HEPACAM: variants seen among roughly 807,000 people sequenced by gnomAD.
HEPACAM encodes hepatic and glial cell adhesion molecule, also known as hepatocyte cell adhesion molecule.
HEPACAM carries 18 observed loss-of-function variants against 38.3 expected under a neutral mutation model. That is an observed-to-expected ratio of 0.47 (90% CI 0.33 to 0.70). The LOEUF is 0.70. Among genes scored for constraint, HEPACAM ranks in the 30% least tolerant of loss-of-function variants. The pLI is 0.03. For missense variants in HEPACAM, 466 were observed against 563.0 expected, an observed-to-expected ratio of 0.83 and a Z score of 1.74; for synonymous variants, 216 against 243.1, an observed-to-expected ratio of 0.89 and a Z score of 1.04.
At chr11:124,931,659 C>T (rs149775330) in intron 1 of HEPACAM, among the ~76,000 whole-genome samples, 1 of 152,258 alleles carries the variant, frequency 6.6e-6, no homozygotes, top group African/African-American at 2.4e-5. Flanking sequence ...ACCGTTTGGC[C>T]ATGTCTATGA....
Position 124,920,037 on chromosome 11 carries a change from T to C in HEPACAM, c.*1101A>G. 1.9e-6 allele frequency: 3 copies of C among 1,606,602 alleles called. No homozygotes were observed. The highest frequency in any genetic ancestry group is 2.6e-6 in the Non-Finnish European group (3 of 1,176,070). On this transcript the variant is annotated 3_prime_UTR_variant, in exon 7 of 7. Coordinates refer to ENST00000298251, the MANE Select transcript of HEPACAM (RefSeq NM_152722.5). ...GTGTGATTAGGGAGTCTGCCCTTTT[T>C]CTGTGCCCTGGGACCTGAGCATGTG... is the stretch of plus-strand genomic sequence containing the variant.
Position 124,919,547 on chromosome 11 carries a change from C to T in HEPACAM, c.*1591G>A. The stretch of plus-strand genomic sequence containing the variant: ...TCTTCCACCTTCTTGAGAAACTTTT[C>T]CCCTACATGCATTATCTCATTATGG... On this transcript the variant is annotated 3_prime_UTR_variant, in exon 7 of 7. Coordinates refer to ENST00000298251, the MANE Select transcript of HEPACAM (RefSeq NM_152722.5). 1.7e-6 allele frequency: 1 copy of T among 598,960 alleles called. No homozygotes were observed. The highest frequency in any genetic ancestry group is 2.9e-6 in the Non-Finnish European group (1 of 340,586). 37.1% of individuals were successfully genotyped at this position (598,960 alleles called of 1,614,324 possible).
chr11:124,921,158 G>A lies in HEPACAM; in HGVS notation c.1231C>T (p.Pro411Ser). The change falls in exon 7 of 7, where the codon CCG becomes TCG. Residue 411 changes from proline to serine, a missense_variant. Pro to Ser is a moderately conservative substitution (Grantham distance 74). Transcript: ENST00000298251. The surrounding 1 kb of genome is among the most constrained non-coding windows in gnomAD (Gnocchi z 4.6). The stretch of plus-strand genomic sequence containing the variant: ...GCGGCTCAGGCGCTGATCTCCACCG[G>A]GCCGGCCTCGTCTTGCTCGCGGATT... ...HIIREQDEAG[P>S]VEISA The A allele has an allele frequency of 6.5e-7, 1 of 1,528,018 alleles. No homozygotes were observed. Among genetic ancestry groups the A allele is most frequent in the Non-Finnish European group, 8.7e-7 (1 of 1,144,540 alleles). 94.7% of individuals were successfully genotyped at this position (1,528,018 alleles called of 1,614,324 possible).
In HEPACAM at chr11:124,924,860, T is replaced by C. The variant is rs746737779; in HGVS notation, c.295A>G (p.Ile99Val). The change falls in exon 2 of 7, where the codon ATC (isoleucine) becomes GTC (valine). Residue 99 changes from isoleucine to valine, a missense_variant. Transcript: ENST00000298251. This position sits in a 1 kb window ranked among gnomAD's most constrained non-coding sequence, Gnocchi z 4.4. ...AGGGAGCCATTTTCAAAGAGTCGGA[T>C]ACGGTCTCGATAGTCAGGCCGCAGG... The part of the protein sequence containing the change: ...GTLRPDYRDR[I>V]RLFENGSLLL... The C allele has an allele frequency of 9.9e-6, 16 of 1,614,084 alleles. No individual in the cohort carries two copies. In the South Asian group the frequency reaches 1.8e-4, roughly 18 times the overall value.
chr11:124,929,328 G>T (rs1385149481), intron 1 of HEPACAM, among the ~76,000 whole-genome samples: 1 of 152,190 alleles, frequency 6.6e-6, no homozygotes, highest in East Asian at 1.9e-4. Flanking sequence ...TGGGCCAAAA[G>T]GATGTATCAC....
chr11:124,920,611 A>G lies in HEPACAM; in HGVS notation c.*527T>C, dbSNP rs1408669648. 2 of 1,071,864 alleles carry G rather than the reference A, an allele frequency of 1.9e-6. No individual in the cohort carries two copies. The highest frequency in any genetic ancestry group is 3.1e-5 in the South Asian group (1 of 32,416). The allele number at this position is 1,071,864 out of a possible 1,614,324, so 66.4% of individuals were successfully genotyped here. A position where few individuals can be genotyped will look rare whatever the true frequency, so the allele number is the denominator to read the frequency against. On this transcript the variant is annotated 3_prime_UTR_variant, in exon 7 of 7. Coordinates refer to ENST00000298251, the MANE Select transcript of HEPACAM (RefSeq NM_152722.5). The stretch of plus-strand genomic sequence containing the variant: ...AGCCCCTGCACACCCAGTAACCGGC[A>G]TCTGGCTTCTCCTTAGCTTAGTGCA...
At position 124,924,579 on chromosome 11, in the gene HEPACAM, G is replaced by A. The variant is rs764009911; in HGVS notation, c.427+149C>T. The A allele has an allele frequency of 3.5e-5, 27 of 778,138 alleles. No homozygotes were observed. The highest frequency in any genetic ancestry group is 6.1e-5 in the Non-Finnish European group (26 of 429,628). The allele number at this position is 778,138 out of a possible 1,614,324, so 48.2% of individuals were successfully genotyped here. ...TCTACATGTTAGCTGTGCTGTGCCT[G>A]TCTGCCAACTTCTAATGTCCACTTG... On this transcript the variant is annotated intron_variant, in intron 2 of 6. Coordinates refer to ENST00000298251, the MANE Select transcript of HEPACAM (RefSeq NM_152722.5). The surrounding 1 kb of genome is among the most constrained non-coding windows in gnomAD (Gnocchi z 4.4).
intron 3 of HEPACAM, 50 bp downstream of exon 3, chr11:124,923,679 C>T (rs776079094): frequency 1.9e-6 from 3 of 1,609,074 alleles, no homozygotes; most frequent in Non-Finnish European, 1.7e-6. Context: ...TCATGGTCAC[C>T]TGCCTCTTGG....
rs1462055631 is a variant in HEPACAM, at chr11:124,924,210, A to G, written c.428-200T>C. ...TTCACTGACTATTTATGGAGCACCA[A>G]TTAGGCATGGCGGGTACAATGCTGA... is the stretch of plus-strand genomic sequence containing the variant. On this transcript the variant is annotated intron_variant, in intron 2 of 6. Transcript: ENST00000298251. This position sits in a 1 kb window ranked among gnomAD's most constrained non-coding sequence, Gnocchi z 4.4. Among the ~76,000 whole-genome samples, 1 of 152,204 alleles carries G rather than the reference A, an allele frequency of 6.6e-6. No individual in the cohort carries two copies. Among genetic ancestry groups the G allele is most frequent in the Non-Finnish European group, 1.5e-5 (1 of 68,024 alleles).
At position 124,920,682 on chromosome 11, in the gene HEPACAM, A is replaced by AGG. The variant is rs1255177346; in HGVS notation, c.*455_*456insCC. On this transcript the variant is annotated 3_prime_UTR_variant, in exon 7 of 7. Coordinates refer to ENST00000298251, the MANE Select transcript of HEPACAM (RefSeq NM_152722.5). Reference sequence around the variant, plus strand: ...GGCCTCTCTAATCTGAACTTGCAAAAAAAAAAAAAAAAAAAAAAAAAAAAA... The same window carrying AGG: ...GGCCTCTCTAATCTGAACTTGCAAAAGGAAAAAAAAAAAAAAAAAAAAAAAAA... 38 of 702,426 alleles carry AGG rather than the reference A, an allele frequency of 5.4e-5. No homozygotes were observed. In the East Asian group the frequency reaches 1.6e-3, roughly 30 times the overall value. 43.5% of individuals were successfully genotyped at this position (702,426 alleles called of 1,614,324 possible). A position where few individuals can be genotyped will look rare whatever the true frequency, so the allele number is the denominator to read the frequency against.
intron 1 of HEPACAM, among the ~76,000 whole-genome samples, chr11:124,929,579 A>G (rs1947259123): frequency 6.6e-6 from 1 of 152,218 alleles, no homozygotes; most frequent in Non-Finnish European, 1.5e-5. Flanking sequence ...CTCAACCTTG[A>G]GAAGTGATTA....
In HEPACAM at chr11:124,919,793, G is replaced by A. The variant is rs780179144; in HGVS notation, c.*1345C>T. On this transcript the variant is annotated 3_prime_UTR_variant, in exon 7 of 7. Coordinates refer to ENST00000298251, the MANE Select transcript of HEPACAM (RefSeq NM_152722.5). Reference sequence around the variant, plus strand: ...TGGAATTGCTCCATGGGTTGATGGCGAATCAGAGCTGGAGTTTAGGAGACT... The same window carrying A: ...TGGAATTGCTCCATGGGTTGATGGCAAATCAGAGCTGGAGTTTAGGAGACT... 1.4e-5 allele frequency: 23 copies of A among 1,614,124 alleles called. No homozygotes were observed. The highest frequency in any genetic ancestry group is 3.3e-4 in the Middle Eastern group (2 of 6,048).
At chr11:124,931,043 C>T (rs547152855) in intron 1 of HEPACAM, among the ~76,000 whole-genome samples, 2 of 152,026 alleles carry the variant, frequency 1.3e-5, no homozygotes, top group African/African-American at 2.4e-5. Flanking sequence ...ATTGTGAAAG[C>T]GAAAGGCAAA....
At chr11:124,926,750 T>C (rs1157692043) in intron 1 of HEPACAM, among the ~76,000 whole-genome samples, 1 of 152,196 alleles carries the variant, frequency 6.6e-6, no homozygotes, top group Non-Finnish European at 1.5e-5. Flanking sequence ...GCTGCTGCCA[T>C]TCAGTTGAGG....
intron 1 of HEPACAM, 103 bp from the exon 2 acceptor site, chr11:124,925,172 G>A: frequency 2.3e-6 from 2 of 854,628 alleles, no homozygotes; most frequent in Non-Finnish European, 3.5e-6. Flanking sequence ...TCGCCTCTCT[G>A]GCTCTTCACT....
At chr11:124,923,515 AAG>A in intron 3 of HEPACAM, 82 bp from the exon 4 acceptor site, 1 of 1,187,782 alleles carries the variant, frequency 8.4e-7, no homozygotes, top group Non-Finnish European at 1.3e-6. Context: ...CCATGGATGG[AAG>A]AGAGGGGGAG....
intron 5 of HEPACAM, 97 bp from the exon 6 acceptor site, chr11:124,922,555 C>G (rs1947154785): frequency 6.3e-7 from 1 of 1,599,150 alleles, no homozygotes; most frequent in Non-Finnish European, 8.6e-7. Flanking sequence ...CCGCCACAAC[C>G]TCCACCAACA....
In HEPACAM at chr11:124,921,019, G is replaced by T; in HGVS notation, c.*119C>A. Reference sequence around the variant, plus strand: ...ATACACGTTCACACCCGAGACACCAGCGCCCCCCCGGGACCTCCCCTCGTC... The same window carrying T: ...ATACACGTTCACACCCGAGACACCATCGCCCCCCCGGGACCTCCCCTCGTC... On this transcript the variant is annotated 3_prime_UTR_variant, in exon 7 of 7. Coordinates refer to ENST00000298251, the MANE Select transcript of HEPACAM (RefSeq NM_152722.5). The surrounding 1 kb of genome is among the most constrained non-coding windows in gnomAD (Gnocchi z 4.6). 1 of 1,401,540 alleles carries T rather than the reference G, an allele frequency of 7.1e-7. No homozygotes were observed. Among genetic ancestry groups the T allele is most frequent in the Non-Finnish European group, 9.2e-7 (1 of 1,082,150 alleles). The allele number at this position is 1,401,540 out of a possible 1,614,324, so 86.8% of individuals were successfully genotyped here. A position where few individuals can be genotyped will look rare whatever the true frequency, so the allele number is the denominator to read the frequency against.
At chr11:124,931,628 C>A (rs1947282004) in intron 1 of HEPACAM, among the ~76,000 whole-genome samples, 1 of 152,198 alleles carries the variant, frequency 6.6e-6, no homozygotes, top group Non-Finnish European at 1.5e-5. Flanking sequence ...GGAGTGTAAA[C>A]TGATACATTC....
Sources: gnomAD v4.1 joint callset for allele counts (sites outside exome capture counted in the v4.1 genomes callset) on GRCh38, gnomAD v4.1.1 for gene constraint, Gnocchi (gnomAD v3.1) non-coding constraint, MANE v1.5 for transcripts, NCBI Gene and HGNC (gene_info 2026-07-23, HGNC 2026-07-21) for gene names.